The following RHOBTB3 variants were observed in gnomAD, a reference collection of about 807,000 sequenced individuals.
The protein encoded by RHOBTB3 is Rho related BTB domain containing 3, also known as rho-related BTB domain-containing protein 3.
A neutral mutation model predicts 67.2 loss-of-function variants in RHOBTB3; 47 were observed. The ratio of observed to expected loss-of-function variants is 0.70; its 90% CI spans 0.55 to 0.89. The LOEUF (loss-of-function observed/expected upper bound fraction) is 0.89, where lower values mean the gene tolerates loss of function less well. Ranked by LOEUF, RHOBTB3 falls within the 40% of genes least tolerant of loss-of-function variation. The pLI is 0.00. For synonymous variants in RHOBTB3, 273 were observed against 274.2 expected (o/e 1.00, Z 0.04); for missense variants, 631 against 750.0 (o/e 0.84, Z 1.85).
intron 10 of RHOBTB3, among the ~76,000 whole-genome samples, chr5:95,785,511 G>C (rs1288745471): frequency 6.6e-6 from 1 of 151,470 alleles, no homozygotes; most frequent in Non-Finnish European, 1.5e-5. Flanking sequence ...GGAGAATGGC[G>C]TGAACCCTGG....
At chr5:95,792,185 C>T (rs1746416355) in intron 11 of RHOBTB3, among the ~76,000 whole-genome samples, 1 of 152,056 alleles carries the variant, frequency 6.6e-6, no homozygotes, top group South Asian at 2.1e-4. Context: ...ACTTGAAGGA[C>T]TTTGGAAGAC....
At chr5:95,756,510 T>C (rs1289394884) in intron 6 of RHOBTB3, among the ~76,000 whole-genome samples, 1 of 152,220 alleles carries the variant, frequency 6.6e-6, no homozygotes, top group Non-Finnish European at 1.5e-5. Context: ...TTTATTTTAT[T>C]TTTTGCATAT....
rs933860985 is a variant in RHOBTB3, at chr5:95,795,876, A to G, written c.*2702A>G. ...GCTTTGTGCTGGTTTCTGCTTCCAT[A>G]TATTTCCCAGTCATTTTAATTAGAG... On this transcript the variant is annotated 3_prime_UTR_variant, in exon 12 of 12. Transcript: ENST00000379982. 5.9e-5 allele frequency: 9 copies of G among 152,210 alleles called. No homozygotes were observed. Among genetic ancestry groups the G allele is most frequent in the African/African-American group, 2.2e-4 (9 of 41,446 alleles). 9.4% of individuals were successfully genotyped at this position (152,210 alleles called of 1,614,324 possible).
chr5:95,752,424 A>G lies in RHOBTB3; in HGVS notation c.682+74A>G, dbSNP rs1337964888. On this transcript the variant is annotated intron_variant, in intron 5 of 11. Coordinates refer to ENST00000379982, the MANE Select transcript of RHOBTB3 (RefSeq NM_014899.4). ...ATCCTTTCTCACAGGTCTTAGAGCAATTATTCTCAAACTTGAGCATGCTCA... is the reference window on the plus strand; with the variant it reads ...ATCCTTTCTCACAGGTCTTAGAGCAGTTATTCTCAAACTTGAGCATGCTCA... 3.0e-6 allele frequency: 3 copies of G among 997,026 alleles called. No homozygotes were observed. The East Asian group carries it at 7.6e-5, about 25-fold the overall frequency. 61.8% of individuals were successfully genotyped at this position (997,026 alleles called of 1,614,324 possible).
At chr5:95,770,390 A>C (rs1745673602) in intron 8 of RHOBTB3, 2 of 227,872 alleles carry the variant, frequency 8.8e-6, no homozygotes, top group African/African-American at 2.3e-5. Context: ...AAAAATAAAA[A>C]ATTGGTATAG....
upstream of RHOBTB3, chr5:95,731,192 G>A (rs891517315): frequency 3.0e-6 from 3 of 1,004,556 alleles, no homozygotes; most frequent in African/African-American, 1.7e-5. Flanking sequence ...CGGAGCTCCC[G>A]GGGCCTCCGC....
intron 8 of RHOBTB3, among the ~76,000 whole-genome samples, chr5:95,778,315 TTA>T (rs939293924): frequency 3.9e-5 from 6 of 152,168 alleles, no homozygotes; most frequent in African/African-American, 1.4e-4. Context: ...AATGTAAATG[TTA>T]TATAAATAGT....
Position 95,752,340 on chromosome 5 carries a change from T to G in RHOBTB3, c.672T>G (p.Leu224=). 1.9e-6 allele frequency: 3 copies of G among 1,595,926 alleles called. No individual in the cohort carries two copies. ...NSFHGIRPPQ[L]EQPEKMPVLK... ...TTCATGGAATTAGACCACCTCAACTTGAACAACCAGGTGCATTTCTTAGCC... is the reference window on the plus strand; with the variant it reads ...TTCATGGAATTAGACCACCTCAACTGGAACAACCAGGTGCATTTCTTAGCC... Residue 224 remains leucine (L), a synonymous_variant, in exon 5 of 12, where the codon CTT becomes CTG. Coordinates refer to ENST00000379982, the MANE Select transcript of RHOBTB3 (RefSeq NM_014899.4).
rs1023862888 is a variant in RHOBTB3 at position 95,748,331 on chromosome 5, A to G, written c.416-2A>G. 2 of 1,583,686 alleles carry G rather than the reference A, an allele frequency of 1.3e-6. No individual in the cohort carries two copies. The highest frequency in any genetic ancestry group is 1.4e-5 in the African/African-American group (1 of 73,374). On this transcript the variant is annotated splice_acceptor_variant, in intron 3 of 11. Transcript: ENST00000379982. LOFTEE classifies it high-confidence loss of function. ...TCTTTGTTTTAAAATTTGTTTTCTCAGAAGAGTTACCTTGTACATGCCCAC... is the reference window on the plus strand; with the variant it reads ...TCTTTGTTTTAAAATTTGTTTTCTCGGAAGAGTTACCTTGTACATGCCCAC...
At position 95,780,317 on chromosome 5, in the gene RHOBTB3, A is replaced by T. The variant is rs199795870; in HGVS notation, c.1348A>T (p.Asn450Tyr). The change falls in exon 9 of 12, where the codon AAT becomes TAT. Residue 450 changes from asparagine (N) to tyrosine (Y), a missense_variant. Physicochemically the swap from Asn to Tyr is moderately radical, Grantham distance 143. Coordinates refer to ENST00000379982, the MANE Select transcript of RHOBTB3 (RefSeq NM_014899.4). ...ARCEVMAAMF[N>Y]GNYMEAKSVL... Reference sequence around the variant, plus strand: ...TTGTGAAGTGATGGCAGCCATGTTTAATGGTAATTACATGGAAGCAAAGAG... The same window carrying T: ...TTGTGAAGTGATGGCAGCCATGTTTTATGGTAATTACATGGAAGCAAAGAG... 2.5e-6 allele frequency: 4 copies of T among 1,613,564 alleles called. No individual in the cohort carries two copies. In the Admixed American group the frequency reaches 6.7e-5, roughly 27 times the overall value.
At chr5:95,767,173 T>C (rs1745570854) in intron 7 of RHOBTB3, among the ~76,000 whole-genome samples, 1 of 151,880 alleles carries the variant, frequency 6.6e-6, no homozygotes, top group Non-Finnish European at 1.5e-5. Context: ...ATCGCACCAT[T>C]GCACTCTAGC....
At chr5:95,751,844 A>G (rs888043010) in intron 4 of RHOBTB3, among the ~76,000 whole-genome samples, 3 of 152,164 alleles carry the variant, frequency 2.0e-5, no homozygotes, top group Non-Finnish European at 4.4e-5. Context: ...AGCTCCATCC[A>G]TTTTGCCGCA....
chr5:95,767,676 A>C, intron 7 of RHOBTB3: 1 of 597,126 alleles, frequency 1.7e-6, no homozygotes. Context: ...TGTCTTAATG[A>C]ACAAATTAGG....
chr5:95,768,466 G>A (rs1326992703), intron 8 of RHOBTB3, among the ~76,000 whole-genome samples: 2 of 152,076 alleles, frequency 1.3e-5, no homozygotes, highest in Admixed American at 6.6e-5. Context: ...ATTTTTGTGT[G>A]TATTTCTTTA....
intron 8 of RHOBTB3, chr5:95,769,605 T>C (rs957777406): frequency 4.7e-5 from 8 of 169,136 alleles, no homozygotes; most frequent in African/African-American, 7.2e-5. Flanking sequence ...GGAAAAACAC[T>C]GAATGGTGCG....
chr5:95,723,069 A>G (rs528533674), intron 1 of RHOBTB3, among the ~76,000 whole-genome samples: 2 of 152,328 alleles, frequency 1.3e-5, no homozygotes, highest in Non-Finnish European at 2.9e-5. Context: ...GGATAGCTGG[A>G]TTTCACATGT....
At chr5:95,783,704 T>C (rs888808) in intron 9 of RHOBTB3, 93 bp from the exon 10 acceptor site, 434,466 of 1,087,848 alleles carry the variant, frequency 0.4, 89,766 homozygotes, top group African/African-American at 0.59. Flanking sequence ...CAGCATGTTT[T>C]TTTAATTGTT....
In RHOBTB3 at chr5:95,736,927, A is replaced by G. The variant is rs1464164637; in HGVS notation, c.267A>G (p.Leu89=). Residue 89 remains leucine, a synonymous_variant, in exon 3 of 12, where the codon CTA becomes CTG. Coordinates refer to ENST00000379982, the MANE Select transcript of RHOBTB3 (RefSeq NM_014899.4). ...GTGATTGGTACACTTCTCGAAATCTAATTGGGGGCGCTGACATCATTGTGA... is the reference window on the plus strand; with the variant it reads ...GTGATTGGTACACTTCTCGAAATCTGATTGGGGGCGCTGACATCATTGTGA... The part of the protein sequence containing the change: ...FDSDWYTSRN[L]IGGADIIVIK... 2.5e-6 allele frequency: 4 copies of G among 1,611,274 alleles called. No homozygotes were observed. Among genetic ancestry groups the G allele is most frequent in the African/African-American group, 1.3e-5 (1 of 74,806 alleles).
intron 2 of RHOBTB3, among the ~76,000 whole-genome samples, 187 bp from the exon 3 acceptor site, chr5:95,736,702 T>C (rs898383347): frequency 2.0e-5 from 3 of 152,256 alleles, no homozygotes; most frequent in Non-Finnish European, 4.4e-5. Flanking sequence ...ATTACATAAT[T>C]GTCCAGGCTA....
Sources: gnomAD v4.1 joint callset for allele counts (sites outside exome capture counted in the v4.1 genomes callset) on GRCh38, gnomAD v4.1.1 for gene constraint, MANE v1.5 for transcripts, NCBI Gene and HGNC (gene_info 2026-07-23, HGNC 2026-07-21) for gene names.